Variants in STK32B observed in about 807,000 individuals in gnomAD.
STK32B encodes the protein serine/threonine-protein kinase 32B.
In STK32B, 43 loss-of-function variants were observed where a neutral mutation model predicts 52.6. The ratio of observed to expected loss-of-function variants is 0.82; its 90% CI spans 0.64 to 1.05. The LOEUF is 1.05. Among genes scored for constraint, STK32B ranks in the 50% least tolerant of loss-of-function variants. The pLI is 0.00. For missense variants in STK32B, 621 were observed against 534.6 expected, an observed-to-expected ratio of 1.16 and a Z score of -1.59; for synonymous variants, 238 against 204.3, an observed-to-expected ratio of 1.17 and a Z score of -1.41.
At position 5,223,976 on chromosome 4, in the gene STK32B, T is replaced by C. The variant is rs142233634; in HGVS notation, c.260+55526T>C. Among the ~76,000 whole-genome samples the C allele has an allele frequency of 9.8e-3, 1,493 of 152,322 alleles. 12 individuals carry two copies. The highest frequency in any genetic ancestry group is 0.013 in the Non-Finnish European group (855 of 68,028). ...CTAGCCTATACCTGTCCCACCATTGTATTTTGTAAGCACATAACTTGTTTG... is the reference window on the plus strand; with the variant it reads ...CTAGCCTATACCTGTCCCACCATTGCATTTTGTAAGCACATAACTTGTTTG... On this transcript the variant is annotated intron_variant, in intron 3 of 11. Coordinates refer to ENST00000282908, the MANE Select transcript of STK32B (RefSeq NM_018401.3).
chr4:5,443,699 T>G (rs1357583358), intron 6 of STK32B, among the ~76,000 whole-genome samples: 1 of 150,570 alleles, frequency 6.6e-6, no homozygotes, highest in Non-Finnish European at 1.5e-5. Context: ...GTTTCCAGTT[T>G]TTCTGTTCTG....
At chr4:5,170,457 C>T (rs1719274887) in intron 3 of STK32B, among the ~76,000 whole-genome samples, 1 of 152,014 alleles carries the variant, frequency 6.6e-6, no homozygotes, top group African/African-American at 2.4e-5. Context: ...TATCGCTCCC[C>T]CGTCCCCCCA....
At chr4:5,381,262 G>A (rs1371177738) in intron 4 of STK32B, among the ~76,000 whole-genome samples, 1 of 152,194 alleles carries the variant, frequency 6.6e-6, no homozygotes, top group African/African-American at 2.4e-5. Context: ...ACACCTCAAG[G>A]AAGAACTGCT....
chr4:5,178,526 G>A (rs73212007), intron 3 of STK32B, among the ~76,000 whole-genome samples: 28,580 of 152,112 alleles, frequency 0.19, 3,386 homozygotes, highest in East Asian at 0.31. Context: ...TTCTACAGCC[G>A]CCTTGAATTT....
At chr4:5,205,929 TTTAA>T (rs1722548843) in intron 3 of STK32B, among the ~76,000 whole-genome samples, 1 of 152,200 alleles carries the variant, frequency 6.6e-6, no homozygotes, top group Admixed American at 6.5e-5. Context: ...TGGAAGATAC[TTTAA>T]TTAGTCCACT....
intron 4 of STK32B, among the ~76,000 whole-genome samples, chr4:5,363,383 A>G (rs908594101): frequency 1.3e-5 from 2 of 152,228 alleles, no homozygotes; most frequent in African/African-American, 4.8e-5. Context: ...TGCCAAGGCC[A>G]CAGGGTGATC....
chr4:5,338,535 A>G (rs992973600), intron 4 of STK32B, among the ~76,000 whole-genome samples: 5 of 152,184 alleles, frequency 3.3e-5, no homozygotes, highest in African/African-American at 7.2e-5. Flanking sequence ...ACTAGAGTGC[A>G]ATAGATAGAT....
At chr4:5,498,907 A>G in intron 11 of STK32B, 38 bp from the exon 12 acceptor site, 2 of 1,583,874 alleles carry the variant, frequency 1.3e-6, no homozygotes, top group South Asian at 1.2e-5. Context: ...CCACAACCCC[A>G]TGCCGCACCA....
chr4:5,221,031 T>C (rs1723495720), intron 3 of STK32B, among the ~76,000 whole-genome samples: 1 of 152,208 alleles, frequency 6.6e-6, no homozygotes. Flanking sequence ...CTTTGCCTTT[T>C]AGAAATAATT....
At chr4:5,098,436 G>C (rs533166345) in intron 1 of STK32B, among the ~76,000 whole-genome samples, 11 of 152,350 alleles carry the variant, frequency 7.2e-5, no homozygotes, top group African/African-American at 2.6e-4. Flanking sequence ...CAGCAGCAGA[G>C]AGTGGGTAGA....
chr4:5,049,834 G>T (rs553024260), upstream of STK32B, among the ~76,000 whole-genome samples: 12 of 151,956 alleles, frequency 7.9e-5, no homozygotes, highest in African/African-American at 2.9e-4. Flanking sequence ...TGATCCACCC[G>T]CCTCAGCCTC....
At chr4:5,092,985 AAC>A (rs1713177632) in intron 1 of STK32B, among the ~76,000 whole-genome samples, 1 of 152,228 alleles carries the variant, frequency 6.6e-6, no homozygotes, top group South Asian at 2.1e-4. Context: ...AATGTGAACA[AAC>A]ACCACATATG....
rs33916543 is a variant in STK32B at position 5,357,088 on chromosome 4, TACACACAC to T, written c.434+25711_434+25718del. ...ACACACATATACACACACACACGTA[TACACACAC>T]ACACACACACACACATATATATACA... On this transcript the variant is annotated intron_variant, in intron 4 of 11. Transcript: ENST00000282908. 6.7e-3 allele frequency among the ~76,000 whole-genome samples: 994 copies of T among 148,804 alleles called. 8 individuals are homozygous for T. Among genetic ancestry groups the T allele is most frequent in the African/African-American group, 0.023 (932 of 40,736 alleles).
rs1553879907 is a variant in STK32B, at chr4:5,370,984, A to ATATATGTGTGTGTGTGTGTG, written c.435-27222_435-27221insATATGTGTGTGTGTGTGTGT. Among the ~76,000 whole-genome samples the ATATATGTGTGTGTGTGTGTG allele has an allele frequency of 6.2e-5, 9 of 145,354 alleles. No homozygotes were observed. The East Asian group carries it at 1.6e-3, about 26-fold the overall frequency. ...CAAGACACTATCTAAATATATATAT[A>ATATATGTGTGTGTGTGTGTG]TGTGTGTGTGTGTATATATATATAT... On this transcript the variant is annotated intron_variant, in intron 4 of 11. Coordinates refer to ENST00000282908, the MANE Select transcript of STK32B (RefSeq NM_018401.3).
intron 1 of STK32B, among the ~76,000 whole-genome samples, chr4:5,131,571 G>C (rs1213104581): frequency 6.6e-6 from 1 of 152,056 alleles, no homozygotes; most frequent in Non-Finnish European, 1.5e-5. Flanking sequence ...TCTGACCCTG[G>C]CTTTCCCACT....
rs1735005157 is a variant in STK32B, at chr4:5,368,285, TCTA to T, written c.435-29918_435-29916del. Among the ~76,000 whole-genome samples, 3 of 151,288 alleles carry T rather than the reference TCTA, an allele frequency of 2.0e-5. No individual in the cohort carries two copies. In the South Asian group the frequency reaches 6.3e-4, roughly 32 times the overall value. On this transcript the variant is annotated intron_variant, in intron 4 of 11. Transcript: ENST00000282908. Reference sequence around the variant, plus strand: ...TCCTCACACAACGTCATGAGTTAGGTCTACTATTATTCCTAATTATAAATAATA... The same window carrying T: ...TCCTCACACAACGTCATGAGTTAGGTCTATTATTCCTAATTATAAATAATA...
chr4:5,442,834 T>G (rs1447105703), intron 6 of STK32B, among the ~76,000 whole-genome samples: 1 of 152,236 alleles, frequency 6.6e-6, no homozygotes, highest in Non-Finnish European at 1.5e-5. Flanking sequence ...TGCTTGTCTG[T>G]AAAGGATTTT....
intron 2 of STK32B, among the ~76,000 whole-genome samples, chr4:5,159,320 G>T (rs1230935162): frequency 6.6e-6 from 1 of 151,884 alleles, no homozygotes; most frequent in Non-Finnish European, 1.5e-5. Context: ...CCAAATGCCA[G>T]TATGGTGGCT....
intron 1 of STK32B, among the ~76,000 whole-genome samples, chr4:5,102,436 G>GCTTCCTTCCTTCCTTCCTTC (rs201942952): frequency 1.7e-4 from 18 of 105,250 alleles, no homozygotes; most frequent in Middle Eastern, 5.3e-3. Flanking sequence ...CTCCTTCCTT[G>GCTTCCTTCCTTCCTTCCTTC]CTTCCTTCCT....
Sources: gnomAD v4.1 joint callset for allele counts (sites outside exome capture counted in the v4.1 genomes callset) on GRCh38, gnomAD v4.1.1 for gene constraint, MANE v1.5 for transcripts, NCBI Gene and HGNC (gene_info 2026-07-23, HGNC 2026-07-21) for gene names.